The following UNC5C variants were observed in gnomAD, a reference collection of about 807,000 sequenced individuals.
UNC5C encodes the protein netrin receptor UNC5C.
In UNC5C, 47 loss-of-function variants were observed where a neutral mutation model predicts 99.8. That is an observed-to-expected ratio of 0.47 (90% CI 0.37 to 0.60). UNC5C has a LOEUF of 0.60. Ranked by LOEUF, UNC5C falls within the 20% of genes least tolerant of loss-of-function variation. The pLI, the probability that UNC5C is intolerant of heterozygous loss-of-function variation, is 0.00. For missense variants in UNC5C, 1,062 were observed against 1,165.9 expected (o/e 0.91, Z 1.30); for synonymous variants, 487 against 452.2 (o/e 1.08, Z -0.98).
intron 1 of UNC5C, among the ~76,000 whole-genome samples, chr4:95,431,867 T>C (rs188505305): frequency 2.2e-3 from 332 of 152,228 alleles, no homozygotes; most frequent in Non-Finnish European, 3.8e-3. Context: ...ATGATGATGA[T>C]AAATGAGGCT....
At chr4:95,428,264 C>T (rs1746539909) in intron 1 of UNC5C, among the ~76,000 whole-genome samples, 1 of 151,982 alleles carries the variant, frequency 6.6e-6, no homozygotes. Context: ...TGTTGGCCAC[C>T]ACATCGTAAT....
chr4:95,303,630 C>T (rs544928135), intron 2 of UNC5C, among the ~76,000 whole-genome samples: 39 of 152,248 alleles, frequency 2.6e-4, no homozygotes, highest in African/African-American at 9.4e-4. Context: ...GAGCCGAGAT[C>T]GCACCACTGC....
chr4:95,311,267 C>G (rs1407864738), intron 2 of UNC5C, among the ~76,000 whole-genome samples: 1 of 152,008 alleles, frequency 6.6e-6, no homozygotes, highest in Non-Finnish European at 1.5e-5. Flanking sequence ...TTAACTTATG[C>G]CTTGTGTGTC....
intron 7 of UNC5C, among the ~76,000 whole-genome samples, chr4:95,239,699 A>G (rs1311475238): frequency 1.3e-5 from 2 of 152,188 alleles, no homozygotes; most frequent in African/African-American, 4.8e-5. Context: ...GTATGTCTCT[A>G]CTAAGTTTGC....
chr4:95,234,656 A>C (rs185628754), intron 7 of UNC5C, among the ~76,000 whole-genome samples: 1 of 152,304 alleles, frequency 6.6e-6, no homozygotes, highest in East Asian at 1.9e-4. Context: ...ATTACTCTTT[A>C]GTAATGCATT....
chr4:95,342,390 A>G (rs561922200), intron 1 of UNC5C, among the ~76,000 whole-genome samples: 1 of 152,210 alleles, frequency 6.6e-6, no homozygotes, highest in African/African-American at 2.4e-5. Context: ...CCCAGGCTAC[A>G]TTTCTAGAGC....
intron 1 of UNC5C, among the ~76,000 whole-genome samples, chr4:95,494,145 A>G (rs7441511): frequency 0.91 from 137,342 of 151,454 alleles, 62,364 homozygotes; most frequent in Non-Finnish European, 0.93. Context: ...TGAGTAAAAA[A>G]GGAAAGATGT....
chr4:95,535,464 T>C (rs1042194620), intron 1 of UNC5C, among the ~76,000 whole-genome samples: 1 of 152,212 alleles, frequency 6.6e-6, no homozygotes, highest in Non-Finnish European at 1.5e-5. Context: ...ACAGCAACAA[T>C]TGCTAATGTG....
chr4:95,519,226 T>C (rs148710124), intron 1 of UNC5C, among the ~76,000 whole-genome samples: 1,963 of 152,200 alleles, frequency 0.013, 9 homozygotes, highest in Admixed American at 0.015. Flanking sequence ...GTAATTGACA[T>C]CTGAGGCCCA....
intron 2 of UNC5C, among the ~76,000 whole-genome samples, chr4:95,323,095 T>C (rs1742753411): frequency 6.6e-6 from 1 of 152,104 alleles, no homozygotes; most frequent in Non-Finnish European, 1.5e-5. Flanking sequence ...GGTTTGTATA[T>C]AGAAAGATTC....
At chr4:95,523,614 A>C (rs1157960424) in intron 1 of UNC5C, among the ~76,000 whole-genome samples, 1 of 152,190 alleles carries the variant, frequency 6.6e-6, no homozygotes, top group Non-Finnish European at 1.5e-5. Context: ...ATTTTCAAAA[A>C]ATTATTCTGC....
chr4:95,227,717 T>G (rs901409304), intron 7 of UNC5C, among the ~76,000 whole-genome samples: 4 of 152,118 alleles, frequency 2.6e-5, no homozygotes, highest in Admixed American at 2.0e-4. Flanking sequence ...GTCTCAAAGG[T>G]GAGAAAGGAT....
chr4:95,365,875 T>A (rs1030790661), intron 1 of UNC5C, among the ~76,000 whole-genome samples: 45 of 152,138 alleles, frequency 3.0e-4, no homozygotes, highest in African/African-American at 1.1e-3. Context: ...AGGGTTTAGC[T>A]GCTATGTAAA....
chr4:95,247,676 C>A (rs1040964791), intron 5 of UNC5C, among the ~76,000 whole-genome samples: 20 of 152,096 alleles, frequency 1.3e-4, no homozygotes, highest in Non-Finnish European at 1.9e-4. Flanking sequence ...TATTCCTGAC[C>A]CCAGTCCAAA....
intron 3 of UNC5C, among the ~76,000 whole-genome samples, chr4:95,293,941 T>C (rs770838266): frequency 2.0e-5 from 3 of 152,292 alleles, no homozygotes; most frequent in Non-Finnish European, 2.9e-5. Context: ...TTCTGGAGCC[T>C]ATCTGTCCAA....
At chr4:95,475,000 A>G (rs141021448) in intron 1 of UNC5C, among the ~76,000 whole-genome samples, 1 of 152,192 alleles carries the variant, frequency 6.6e-6, no homozygotes, top group East Asian at 1.9e-4. Flanking sequence ...AAGCACGTTT[A>G]TATTGATCTT....
At chr4:95,183,805 T>A (rs2149350990) in intron 13 of UNC5C, among the ~76,000 whole-genome samples, 1 of 152,334 alleles carries the variant, frequency 6.6e-6, no homozygotes, top group South Asian at 2.1e-4. Context: ...TTTCGCTTAC[T>A]TGATAACCTG....
intron 1 of UNC5C, among the ~76,000 whole-genome samples, chr4:95,548,403 A>G (rs1578221915): frequency 6.6e-6 from 1 of 151,824 alleles, no homozygotes; most frequent in Admixed American, 6.6e-5. Flanking sequence ...CGTGTGTGCA[A>G]TATGCAACAA....
intron 12 of UNC5C, among the ~76,000 whole-genome samples, chr4:95,187,490 G>A (rs999349194): frequency 1.3e-5 from 2 of 152,134 alleles, no homozygotes; most frequent in African/African-American, 4.8e-5. Flanking sequence ...GATATGAAGA[G>A]CATTATCAGT....
Sources: gnomAD v4.1 joint callset for allele counts (sites outside exome capture counted in the v4.1 genomes callset) on GRCh38, gnomAD v4.1.1 for gene constraint, MANE v1.5 for transcripts, NCBI Gene and HGNC (gene_info 2026-07-23, HGNC 2026-07-21) for gene names.